Variants in CTNND2 observed in about 807,000 individuals in gnomAD.
CTNND2 encodes the protein catenin delta 2, also known as catenin delta-2.
In CTNND2, 22 loss-of-function variants were observed where a neutral mutation model predicts 144.4. That is an observed-to-expected ratio of 0.15 (90% CI 0.11 to 0.22). The LOEUF (loss-of-function observed/expected upper bound fraction) is 0.22, where lower values mean the gene tolerates loss of function less well. Ranked by LOEUF, CTNND2 falls within the 10% of genes least tolerant of loss-of-function variation. The pLI is 1.00. For synonymous variants in CTNND2, 751 were observed against 695.6 expected, an observed-to-expected ratio of 1.08 and a Z score of -1.25; for missense variants, 1,353 against 1,618.8, an observed-to-expected ratio of 0.84 and a Z score of 2.82.
intron 2 of CTNND2, among the ~76,000 whole-genome samples, chr5:11,668,061 G>A (rs1783671265): frequency 6.6e-6 from 1 of 152,198 alleles, no homozygotes; most frequent in Non-Finnish European, 1.5e-5. Context: ...GTTTGTCAAA[G>A]ATCAGATGGT....
chr5:11,775,955 G>A (rs1790229506), intron 1 of CTNND2, among the ~76,000 whole-genome samples: 1 of 152,096 alleles, frequency 6.6e-6, no homozygotes, highest in Admixed American at 6.5e-5. Flanking sequence ...GGTGGAGGTA[G>A]AGGGTAGAGT....
intron 1 of CTNND2, among the ~76,000 whole-genome samples, chr5:11,801,550 A>G (rs1362448699): frequency 6.6e-6 from 1 of 152,234 alleles, no homozygotes. Flanking sequence ...CTGGCAGGAC[A>G]TTGTAACTAA....
At position 11,364,837 on chromosome 5, in the gene CTNND2, G is replaced by A. The variant is rs1490647469; in HGVS notation, c.1231C>T (p.Arg411Trp). The A allele has an allele frequency of 4.3e-6, 7 of 1,613,462 alleles. No homozygotes were observed. Among genetic ancestry groups the A allele is most frequent in the East Asian group, 2.2e-5 (1 of 44,838 alleles). ...TGGTGTTCTGGGGACTGCAGGGCCC[G>A]CAACTCTGGGCCCAGGTGCCCATGC... is the stretch of plus-strand genomic sequence containing the variant. ...SQHGHLGPEL[R>W]ALQSPEHHID... The change falls in exon 8 of 22, where the codon CGG becomes TGG. Residue 411 changes from arginine to tryptophan, a missense_variant. Transcript: ENST00000304623.
intron 16 of CTNND2, among the ~76,000 whole-genome samples, chr5:11,029,105 T>C (rs1319371362): frequency 1.3e-5 from 2 of 152,242 alleles, no homozygotes; most frequent in Admixed American, 1.3e-4. Context: ...ATACTTCATT[T>C]TCACTCTTGA....
At chr5:11,741,700 C>T (rs1788021850) in intron 1 of CTNND2, among the ~76,000 whole-genome samples, 1 of 150,294 alleles carries the variant, frequency 6.7e-6, no homozygotes, top group Middle Eastern at 3.5e-3. Flanking sequence ...CACATGTACC[C>T]TAGAACTTAA....
At chr5:11,119,033 G>T (rs1561332953) in intron 12 of CTNND2, among the ~76,000 whole-genome samples, 1 of 151,924 alleles carries the variant, frequency 6.6e-6, no homozygotes, top group Non-Finnish European at 1.5e-5. Flanking sequence ...GGAATTATTT[G>T]GCTGTGACCT....
chr5:11,091,756 T>C (rs1398450007), intron 15 of CTNND2, among the ~76,000 whole-genome samples: 1 of 152,158 alleles, frequency 6.6e-6, no homozygotes, highest in Non-Finnish European at 1.5e-5. Flanking sequence ...GATTATGAGA[T>C]TTTCTTCTCT....
intron 1 of CTNND2, among the ~76,000 whole-genome samples, chr5:11,813,525 T>G (rs1236125856): frequency 6.6e-6 from 1 of 152,196 alleles, no homozygotes. Flanking sequence ...TGCTCCTAAT[T>G]TGGTCTTGTA....
intron 3 of CTNND2, among the ~76,000 whole-genome samples, chr5:11,521,644 G>A (rs559540300): frequency 4.6e-5 from 7 of 152,112 alleles, no homozygotes; most frequent in East Asian, 1.9e-4. Context: ...AACAGTATCC[G>A]GCAAAAATTA....
intron 1 of CTNND2, among the ~76,000 whole-genome samples, chr5:11,790,619 C>G: frequency 6.6e-6 from 1 of 152,176 alleles, no homozygotes; most frequent in East Asian, 1.9e-4. Context: ...TGAACATTTG[C>G]TTCTTTGAAT....
At position 10,988,293 on chromosome 5, in the gene CTNND2, G is replaced by A; in HGVS notation, c.3212-51C>T. The A allele has an allele frequency of 6.2e-7, 1 of 1,609,794 alleles. No individual in the cohort carries two copies. Among genetic ancestry groups the A allele is most frequent in the Non-Finnish European group, 8.5e-7 (1 of 1,177,316 alleles). Reference sequence around the variant, plus strand: ...TTTTCTGCATCTCATCCCACAGCGTGTGTGCCTTCCACACAGTCAGGGTCC... The same window carrying A: ...TTTTCTGCATCTCATCCCACAGCGTATGTGCCTTCCACACAGTCAGGGTCC... On this transcript the variant is annotated intron_variant, in intron 19 of 21. Coordinates refer to ENST00000304623, the MANE Select transcript of CTNND2 (RefSeq NM_001332.4). The surrounding 1 kb of genome is among the most constrained non-coding windows in gnomAD (Gnocchi z 5.9).
chr5:11,737,860 A>C (rs1787779794), intron 1 of CTNND2, among the ~76,000 whole-genome samples: 1 of 152,214 alleles, frequency 6.6e-6, no homozygotes, highest in African/African-American at 2.4e-5. Context: ...CACAATGAGA[A>C]AGTACTGTTG....
intron 17 of CTNND2, among the ~76,000 whole-genome samples, chr5:11,019,979 G>T (rs1385818647): frequency 2.0e-5 from 3 of 152,170 alleles, no homozygotes; most frequent in African/African-American, 4.8e-5. Context: ...GCGAGTATAA[G>T]ACTACTATAA....
chr5:11,154,521 T>C (rs1374359838), intron 12 of CTNND2, among the ~76,000 whole-genome samples: 1 of 152,182 alleles, frequency 6.6e-6, no homozygotes, highest in African/African-American at 2.4e-5. Context: ...GTGTGGGCAC[T>C]GTTTGGGGAC....
At chr5:11,390,888 G>A (rs1759569835) in intron 6 of CTNND2, among the ~76,000 whole-genome samples, 1 of 152,162 alleles carries the variant, frequency 6.6e-6, no homozygotes, top group African/African-American at 2.4e-5. Context: ...ATTGGCTGGT[G>A]GCACCTAAGG....
chr5:11,744,360 C>T (rs1051347787), intron 1 of CTNND2, among the ~76,000 whole-genome samples: 3 of 152,132 alleles, frequency 2.0e-5, no homozygotes, highest in Admixed American at 1.3e-4. Flanking sequence ...AGATGCGCGA[C>T]GGCCAAGCAA....
In CTNND2 at chr5:11,078,623, G is replaced by GA. The variant is rs1158553790; in HGVS notation, c.2788+4072dup. On this transcript the variant is annotated intron_variant, in intron 16 of 21. Coordinates refer to ENST00000304623, the MANE Select transcript of CTNND2 (RefSeq NM_001332.4). ...TTTGTTATATTTTAATCCACCAAAAGAAAAAAAACACACATACAAACACAC... is the reference window on the plus strand; with the variant it reads ...TTTGTTATATTTTAATCCACCAAAAGAAAAAAAAACACACATACAAACACAC... Among the ~76,000 whole-genome samples the GA allele has an allele frequency of 1.1e-4, 17 of 151,692 alleles. No homozygotes were observed. In the South Asian group the frequency reaches 1.2e-3, roughly 11 times the overall value.
At chr5:11,207,622 G>C (rs1467622020) in intron 10 of CTNND2, among the ~76,000 whole-genome samples, 7 of 152,062 alleles carry the variant, frequency 4.6e-5, no homozygotes, top group Non-Finnish European at 1.0e-4. Flanking sequence ...CTCCCCACCT[G>C]ATTAAGCAGA....
intron 9 of CTNND2, among the ~76,000 whole-genome samples, chr5:11,304,019 T>C (rs1399173888): frequency 2.6e-5 from 4 of 152,174 alleles, no homozygotes; most frequent in South Asian, 2.1e-4. Flanking sequence ...CCTGCCGCCA[T>C]GTAAGAGGTG....
Sources: gnomAD v4.1 joint callset for allele counts (sites outside exome capture counted in the v4.1 genomes callset) on GRCh38, gnomAD v4.1.1 for gene constraint, Gnocchi (gnomAD v3.1) non-coding constraint, MANE v1.5 for transcripts, NCBI Gene and HGNC (gene_info 2026-07-23, HGNC 2026-07-21) for gene names.